NECAB1: variants seen among roughly 807,000 people sequenced by gnomAD.
The protein encoded by NECAB1 is N-terminal EF-hand calcium-binding protein 1.
In NECAB1, 29 loss-of-function variants were observed where a neutral mutation model predicts 57.5. The observed-to-expected ratio is 0.50, with a 90% CI of 0.38 to 0.69. The LOEUF is 0.69. NECAB1 is among the 30% of genes least tolerant of loss of function. The probability of loss-of-function intolerance (pLI) is 0.00; values close to 1 mark genes in which losing one functional copy is unlikely to be tolerated. For synonymous variants in NECAB1, 142 were observed against 147.7 expected (o/e 0.96, Z 0.28); for missense variants, 372 against 413.8 (o/e 0.90, Z 0.88).
intron 2 of NECAB1, among the ~76,000 whole-genome samples, chr8:90,811,111 C>T (rs1019843397): frequency 6.6e-6 from 1 of 151,974 alleles, no homozygotes; most frequent in African/African-American, 2.4e-5. Flanking sequence ...CCATGCCCGG[C>T]TAATTTTTTG....
At chr8:90,833,766 A>G (rs1430224458) in intron 3 of NECAB1, among the ~76,000 whole-genome samples, 1 of 152,116 alleles carries the variant, frequency 6.6e-6, no homozygotes, top group East Asian at 1.9e-4. Flanking sequence ...CGTGGACAGT[A>G]TTTTTCCTCC....
intron 5 of NECAB1, among the ~76,000 whole-genome samples, chr8:90,887,915 T>G (rs1188987859): frequency 6.6e-6 from 1 of 152,132 alleles, no homozygotes. Flanking sequence ...TTAAAAAAAA[T>G]TCTTAACAGA....
At chr8:90,885,258 G>C (rs1188711347) in intron 5 of NECAB1, among the ~76,000 whole-genome samples, 2 of 152,202 alleles carry the variant, frequency 1.3e-5, no homozygotes. Context: ...TAGGAGGATG[G>C]AGGACAGAGT....
rs540757009 is a variant in NECAB1, at chr8:90,847,392, C to T, written c.233+22567C>T. Among the ~76,000 whole-genome samples the T allele has an allele frequency of 1.0e-3, 154 of 152,358 alleles. 1 individual carries two copies. The highest frequency in any genetic ancestry group is 3.6e-3 in the African/African-American group (148 of 41,596). ...TTTGCAGGGTACAGCCCCCTCCCAG[C>T]TGCCTTCAGGGGCTGGCATTGTCTG... On this transcript the variant is annotated intron_variant, in intron 3 of 12. Transcript: ENST00000417640.
chr8:90,897,002 C>G (rs1809367751), intron 5 of NECAB1, among the ~76,000 whole-genome samples: 1 of 152,268 alleles, frequency 6.6e-6, no homozygotes, highest in South Asian at 2.1e-4. Context: ...CCCTTGCCCT[C>G]CCTTCTCCAA....
chr8:90,818,917 T>G (rs73692706), intron 2 of NECAB1, among the ~76,000 whole-genome samples: 2,405 of 152,134 alleles, frequency 0.016, 55 homozygotes, highest in African/African-American at 0.053. Context: ...TTTTAAATTC[T>G]CTTTTTGCTA....
At chr8:90,900,397 C>A (rs1357794968) in intron 5 of NECAB1, among the ~76,000 whole-genome samples, 1 of 152,136 alleles carries the variant, frequency 6.6e-6, no homozygotes, top group Non-Finnish European at 1.5e-5. Flanking sequence ...TCTAGATGAA[C>A]CAGTGAACAC....
chr8:90,848,656 C>A (rs1812615171), intron 3 of NECAB1, among the ~76,000 whole-genome samples: 1 of 152,180 alleles, frequency 6.6e-6, no homozygotes, highest in Admixed American at 6.5e-5. Flanking sequence ...TGGTAGCAGG[C>A]AAGACAGCTT....
intron 3 of NECAB1, among the ~76,000 whole-genome samples, chr8:90,857,324 T>C (rs916384144): frequency 6.6e-6 from 1 of 152,168 alleles, no homozygotes; most frequent in Non-Finnish European, 1.5e-5. Flanking sequence ...ATACTATATA[T>C]AATTATCTAT....
chr8:90,872,114 T>C lies in NECAB1; in HGVS notation c.234-14T>C. 6.5e-7 allele frequency: 1 copy of C among 1,542,424 alleles called. No homozygotes were observed. On this transcript the variant is annotated splice_polypyrimidine_tract_variant and intron_variant, in intron 3 of 12. Coordinates refer to ENST00000417640, the MANE Select transcript of NECAB1 (RefSeq NM_022351.5). ...AAAGTAATAACACTGTTTTTTTTTG[T>C]TTCATCTTTTCAGTAATCTTGACAC...
intron 5 of NECAB1, among the ~76,000 whole-genome samples, chr8:90,893,047 G>C (rs114669928): frequency 0.012 from 1,810 of 152,228 alleles, 30 homozygotes; most frequent in African/African-American, 0.041. Context: ...TCTCCCAACT[G>C]GATCTTGCCA....
At chr8:90,941,072 T>C (rs1810659028) in intron 10 of NECAB1, among the ~76,000 whole-genome samples, 174 bp downstream of exon 10, 1 of 152,210 alleles carries the variant, frequency 6.6e-6, no homozygotes, top group Non-Finnish European at 1.5e-5. Flanking sequence ...TAACTGAATG[T>C]TTTCTCTTTA....
At chr8:90,916,861 G>A (rs1586121363) in intron 5 of NECAB1, among the ~76,000 whole-genome samples, 1 of 152,130 alleles carries the variant, frequency 6.6e-6, no homozygotes, top group Non-Finnish European at 1.5e-5. Context: ...TGTGGCTCAG[G>A]TGTTGTCCTA....
chr8:90,958,421 T>A lies in NECAB1; in HGVS notation c.*2909T>A, dbSNP rs897287347. ...TAGTAATTATGAATTTAAGACCATATTATTATCAAAAACCTAGAGACCAAT... is the reference window on the plus strand; with the variant it reads ...TAGTAATTATGAATTTAAGACCATAATATTATCAAAAACCTAGAGACCAAT... On this transcript the variant is annotated 3_prime_UTR_variant, in exon 13 of 13. Transcript: ENST00000417640. 1 of 151,588 alleles carries A rather than the reference T, an allele frequency of 6.6e-6. No homozygotes were observed. The highest frequency in any genetic ancestry group is 1.5e-5 in the Non-Finnish European group (1 of 67,680). The allele number at this position is 151,588 out of a possible 1,614,324, so 9.4% of individuals were successfully genotyped here.
chr8:90,891,497 G>T (rs993602599), intron 5 of NECAB1, among the ~76,000 whole-genome samples: 4 of 151,618 alleles, frequency 2.6e-5, no homozygotes, highest in Non-Finnish European at 5.9e-5. Context: ...AATTCTAGAG[G>T]GTTTTTCACA....
At chr8:90,884,380 C>A (rs1197083865) in intron 5 of NECAB1, among the ~76,000 whole-genome samples, 1 of 152,088 alleles carries the variant, frequency 6.6e-6, no homozygotes, top group South Asian at 2.1e-4. Context: ...GCTCCATAGT[C>A]CTTTCACTAA....
chr8:90,931,851 C>T lies in NECAB1; in HGVS notation c.694-2453C>T, dbSNP rs370315556. 3.2e-4 allele frequency among the ~76,000 whole-genome samples: 48 copies of T among 152,064 alleles called. 1 individual carries two copies. The highest frequency in any genetic ancestry group is 1.1e-3 in the African/African-American group (47 of 41,470). On this transcript the variant is annotated intron_variant, in intron 8 of 12. Transcript: ENST00000417640. ...CCCCGGAGGGAGAGGTGGCAGTGAG[C>T]CGAGATCGTGCCACTTCACTCCAGC...
intron 10 of NECAB1, among the ~76,000 whole-genome samples, chr8:90,941,397 C>G (rs1159010601): frequency 2.0e-5 from 3 of 152,220 alleles, no homozygotes; most frequent in Non-Finnish European, 4.4e-5. Flanking sequence ...GAAAATGAAG[C>G]AGCAGCAGAT....
At chr8:90,896,112 G>C (rs1809322773) in intron 5 of NECAB1, among the ~76,000 whole-genome samples, 1 of 152,170 alleles carries the variant, frequency 6.6e-6, no homozygotes, top group Non-Finnish European at 1.5e-5. Flanking sequence ...GCATCCGTAA[G>C]TCGATGCAGA....
Sources: allele counts gnomAD v4.1 joint callset (sites outside exome capture counted in the v4.1 genomes callset), GRCh38; gene constraint gnomAD v4.1.1; transcripts MANE v1.5; gene names NCBI Gene and HGNC (gene_info 2026-07-23, HGNC 2026-07-21).